Variants in CHSY3 observed in about 807,000 individuals in gnomAD.
The protein encoded by CHSY3 is N-acetylgalactosaminyl-proteoglycan 3-beta-glucuronosyltransferase 3.
Under a neutral mutation model 67.2 loss-of-function variants are expected in CHSY3, and 35 were observed. That is an observed-to-expected ratio of 0.52 (90% confidence interval 0.40 to 0.69). The LOEUF (loss-of-function observed/expected upper bound fraction) is 0.69. Ranked by LOEUF, CHSY3 falls within the 30% of genes least tolerant of loss-of-function variation. The pLI is 0.00. For synonymous variants in CHSY3, 474 were observed against 434.7 expected (o/e 1.09, Z -1.12); for missense variants, 1,069 against 1,138.5 (o/e 0.94, Z 0.88).
chr5:130,108,355 T>A (rs985528881), intron 2 of CHSY3, among the ~76,000 whole-genome samples: 11 of 151,622 alleles, frequency 7.3e-5, no homozygotes, highest in African/African-American at 2.7e-4. Context: ...TATTTTTATA[T>A]TATTGTATAT....
At chr5:130,076,473 A>G (rs1400898405) in intron 2 of CHSY3, among the ~76,000 whole-genome samples, 1 of 151,606 alleles carries the variant, frequency 6.6e-6, no homozygotes, top group African/African-American at 2.4e-5. Flanking sequence ...CCATTTTGGT[A>G]TCCTGCGTCT....
At chr5:130,152,728 A>G (rs992692811) in intron 2 of CHSY3, among the ~76,000 whole-genome samples, 8 of 152,254 alleles carry the variant, frequency 5.3e-5, no homozygotes, top group Admixed American at 3.3e-4. Context: ...TTGCAAAGAA[A>G]TATGAAGGAA....
intron 2 of CHSY3, among the ~76,000 whole-genome samples, chr5:129,961,340 G>A (rs1168715422): frequency 6.6e-6 from 1 of 152,040 alleles, no homozygotes; most frequent in Non-Finnish European, 1.5e-5. Context: ...TCTTAAAATA[G>A]TTTTATGTGA....
At chr5:129,930,836 G>A (rs10463861) in intron 2 of CHSY3, among the ~76,000 whole-genome samples, 72,932 of 151,902 alleles carry the variant, frequency 0.48, 18,485 homozygotes, top group Middle Eastern at 0.59. Context: ...TGGGGATTGA[G>A]CATCTCTTCT....
chr5:130,042,298 G>A (rs1490440256), intron 2 of CHSY3, among the ~76,000 whole-genome samples: 4 of 151,918 alleles, frequency 2.6e-5, no homozygotes, highest in African/African-American at 9.7e-5. Flanking sequence ...CTTTTAATTT[G>A]CATATAAATT....
At chr5:130,178,253 A>ATATTTTTTTTTTTTT (rs1205782386) in intron 2 of CHSY3, among the ~76,000 whole-genome samples, 1 of 45,912 alleles carries the variant, frequency 2.2e-5, no homozygotes, top group East Asian at 9.3e-4. Context: ...ATATATATAT[A>ATATTTTTTTTTTTTT]TTTTTTTTTT....
chr5:129,964,804 A>T (rs1762426961), intron 2 of CHSY3, among the ~76,000 whole-genome samples: 1 of 151,724 alleles, frequency 6.6e-6, no homozygotes, highest in South Asian at 2.1e-4. Context: ...CACTGTACAA[A>T]CTCTGGAGCA....
chr5:130,070,369 G>A (rs1489357585), intron 2 of CHSY3, among the ~76,000 whole-genome samples: 1 of 152,036 alleles, frequency 6.6e-6, no homozygotes, highest in Non-Finnish European at 1.5e-5. Flanking sequence ...AGTGAATGCT[G>A]GGATATCTGG....
intron 2 of CHSY3, among the ~76,000 whole-genome samples, chr5:130,159,494 T>C (rs552471328): frequency 8.5e-5 from 13 of 152,308 alleles, no homozygotes; most frequent in African/African-American, 3.1e-4. Flanking sequence ...TTTAAAAGCA[T>C]GTTTTATGTA....
rs67920872 is a variant in CHSY3, at chr5:129,918,808, T to TAA, written c.1086+10462_1086+10463dup. On this transcript the variant is annotated intron_variant, in intron 2 of 2. Transcript: ENST00000305031. Reference sequence around the variant, plus strand: ...ACATTGTAGATCAGTGATTCTCTTTTAAAAAAAAAAAAAAATTGGCCGGGC... The same window carrying TAA: ...ACATTGTAGATCAGTGATTCTCTTTTAAAAAAAAAAAAAAAAATTGGCCGGGC... Among the ~76,000 whole-genome samples the TAA allele has an allele frequency of 2.2e-3, 319 of 145,272 alleles. 4 individuals are homozygous for TAA. The highest frequency in any genetic ancestry group is 6.1e-3 in the Admixed American group (90 of 14,658).
intron 2 of CHSY3, among the ~76,000 whole-genome samples, chr5:130,047,394 C>G (rs1437065041): frequency 6.6e-6 from 1 of 152,018 alleles, no homozygotes; most frequent in African/African-American, 2.4e-5. Context: ...ATAAAGCAGA[C>G]AGGGCACCCA....
intron 2 of CHSY3, among the ~76,000 whole-genome samples, chr5:129,962,940 T>G (rs763571922): frequency 2.0e-5 from 3 of 151,950 alleles, no homozygotes; most frequent in African/African-American, 4.8e-5. Flanking sequence ...AACAGCCAAC[T>G]TGGGGGTCTT....
intron 2 of CHSY3, among the ~76,000 whole-genome samples, chr5:129,937,501 A>G (rs892562107): frequency 2.0e-5 from 3 of 152,082 alleles, no homozygotes; most frequent in Non-Finnish European, 4.4e-5. Context: ...CCCAAGTCTC[A>G]TGTCCTTCTC....
intron 2 of CHSY3, among the ~76,000 whole-genome samples, chr5:129,959,649 GATT>G (rs902070362): frequency 6.6e-6 from 1 of 152,070 alleles, no homozygotes; most frequent in Non-Finnish European, 1.5e-5. Context: ...AAAGAAGCAA[GATT>G]ATAAATAAGT....
chr5:129,909,800 C>CA (rs1366605881), intron 2 of CHSY3, among the ~76,000 whole-genome samples: 1 of 151,802 alleles, frequency 6.6e-6, no homozygotes, highest in Admixed American at 6.6e-5. Context: ...TATTGTTTTG[C>CA]AGGTATTTAC....
chr5:130,069,758 G>A (rs1390554661), intron 2 of CHSY3, among the ~76,000 whole-genome samples: 3 of 151,978 alleles, frequency 2.0e-5, no homozygotes, highest in Admixed American at 6.6e-5. Context: ...CATCTAATAG[G>A]TAGAAATCTC....
At chr5:129,970,356 A>AT (rs769431440) in intron 2 of CHSY3, among the ~76,000 whole-genome samples, 6 of 151,488 alleles carry the variant, frequency 4.0e-5, no homozygotes, top group Non-Finnish European at 8.9e-5. Context: ...GGGTAGATGG[A>AT]TGGATGGATG....
chr5:130,043,640 T>C (rs554055589), intron 2 of CHSY3, among the ~76,000 whole-genome samples: 1 of 152,312 alleles, frequency 6.6e-6, no homozygotes, highest in African/African-American at 2.4e-5. Context: ...TCCTTTGCAG[T>C]ACTGTTGCCT....
chr5:130,031,000 C>T (rs573747602), intron 2 of CHSY3, among the ~76,000 whole-genome samples: 2 of 151,918 alleles, frequency 1.3e-5, no homozygotes, highest in Admixed American at 6.6e-5. Context: ...GTATAGTGGG[C>T]TTATCCTAGA....
Sources: gnomAD v4.1 joint callset for allele counts (sites outside exome capture counted in the v4.1 genomes callset) on GRCh38, gnomAD v4.1.1 for gene constraint, MANE v1.5 for transcripts, NCBI Gene and HGNC (gene_info 2026-07-23, HGNC 2026-07-21) for gene names.